The following GDI2 variants were observed in gnomAD, a reference collection of about 807,000 sequenced individuals.
GDI2 encodes the protein GDP dissociation inhibitor 2, also known as rab GDP dissociation inhibitor beta.
Under a neutral mutation model 54.2 loss-of-function variants are expected in GDI2, and 22 were observed. The ratio of observed to expected loss-of-function variants is 0.41; its 90% CI spans 0.29 to 0.58. The LOEUF (loss-of-function observed/expected upper bound fraction) is 0.58. GDI2 is among the 20% of genes least tolerant of loss of function. GDI2 has a pLI of 0.35. For synonymous variants in GDI2, 177 were observed against 182.1 expected (o/e 0.97, Z 0.23); for missense variants, 422 against 546.0 (o/e 0.77, Z 2.26).
intron 6 of GDI2, among the ~76,000 whole-genome samples, chr10:5,775,179 C>T (rs1840590922): frequency 6.6e-6 from 1 of 152,106 alleles, no homozygotes; most frequent in Non-Finnish European, 1.5e-5. Context: ...TCCCAGCTAC[C>T]CGGAATGCTG....
Position 5,766,215 on chromosome 10 carries a change from A to G in GDI2, c.1191+26T>C. 2 of 1,611,372 alleles carry G rather than the reference A, an allele frequency of 1.2e-6. No homozygotes were observed. Among genetic ancestry groups the G allele is most frequent in the Non-Finnish European group, 1.7e-6 (2 of 1,177,422 alleles). The stretch of plus-strand genomic sequence containing the variant: ...GGATGTCTTCCAGTGAAACCTGCCC[A>G]TATCCTTTCACACTTCCATACTCAC... On this transcript the variant is annotated intron_variant, in intron 10 of 10. Coordinates refer to ENST00000380191, the MANE Select transcript of GDI2 (RefSeq NM_001494.4). This position sits in a 1 kb window ranked among gnomAD's most constrained non-coding sequence, Gnocchi z 5.8.
chr10:5,811,960 T>TAAAAAAAAAAAAA (rs146282355), intron 1 of GDI2: 1 of 631,866 alleles, frequency 1.6e-6, no homozygotes, highest in Non-Finnish European at 2.2e-6. Context: ...ATGTTACCTG[T>TAAAAAAAAAAAAA]AAAAAAAAAA....
rs551891407 is a variant in GDI2, at chr10:5,765,943, C to T, written c.*63G>A. On this transcript the variant is annotated 3_prime_UTR_variant, in exon 11 of 11. Transcript: ENST00000380191. ...AAAGCAGGCCTTACAATATTGATTT[C>T]ATTATATGCATTATTTGCCAAATTT... 4.1e-6 allele frequency: 5 copies of T among 1,205,300 alleles called. No homozygotes were observed. Among genetic ancestry groups the T allele is most frequent in the South Asian group, 1.5e-5 (1 of 67,126 alleles). The allele number at this position is 1,205,300 out of a possible 1,614,324, so 74.7% of individuals were successfully genotyped here. A position where few individuals can be genotyped will look rare whatever the true frequency, so the allele number is the denominator to read the frequency against.
At chr10:5,772,964 G>A (rs1840528767) in intron 7 of GDI2, among the ~76,000 whole-genome samples, 1 of 152,168 alleles carries the variant, frequency 6.6e-6, no homozygotes, top group South Asian at 2.1e-4. Context: ...GTATAACCTG[G>A]ACATAATACC....
At chr10:5,785,368 CTTCTTTTTTGT>C in intron 5 of GDI2, 95 bp from the exon 6 acceptor site, 1 of 583,466 alleles carries the variant, frequency 1.7e-6, no homozygotes, top group Non-Finnish European at 2.7e-6. Flanking sequence ...AATCCGCTAT[CTTCTTTTTTGT>C]TTTTTTGTTT....
rs1427954553 is a variant in GDI2, at chr10:5,773,917, G to A, written c.744C>T (p.Thr248=). Residue 248 remains threonine, a synonymous_variant, in exon 7 of 11, where the codon ACC becomes ACT. Transcript: ENST00000380191. ...CTTCAATGGGTTTATTCAGCATATA[G>A]GTACCTCCATAAATAGCACTTAGCC... ...FARLSAIYGG[T]YMLNKPIEEI... 5 of 1,533,776 alleles carry A rather than the reference G, an allele frequency of 3.3e-6. No individual in the cohort carries two copies. The highest frequency in any genetic ancestry group is 3.6e-6 in the Non-Finnish European group (4 of 1,113,816).
At chr10:5,813,055 C>T (rs1019227423) in intron 1 of GDI2, among the ~76,000 whole-genome samples, 159 bp downstream of exon 1, 1 of 152,146 alleles carries the variant, frequency 6.6e-6, no homozygotes, top group African/African-American at 2.4e-5. Flanking sequence ...GCGGGGCGCC[C>T]CTGAACCCGC....
rs750483297 is a variant in GDI2, at chr10:5,768,445, T to C, written c.820-61A>G. On this transcript the variant is annotated intron_variant, in intron 7 of 10. Coordinates refer to ENST00000380191, the MANE Select transcript of GDI2 (RefSeq NM_001494.4). The surrounding 1 kb of genome is among the most constrained non-coding windows in gnomAD (Gnocchi z 4.4). ...CAAGGATATAGGGAAACACATCCCA[T>C]GTTCATAGTTTGGAAGACTTAGTAT... 12 of 1,071,012 alleles carry C rather than the reference T, an allele frequency of 1.1e-5. No homozygotes were observed. The Admixed American group carries it at 2.4e-4, about 21-fold the overall frequency. The allele number at this position is 1,071,012 out of a possible 1,614,324, so 66.3% of individuals were successfully genotyped here. A position where few individuals can be genotyped will look rare whatever the true frequency, so the allele number is the denominator to read the frequency against.
intron 6 of GDI2, among the ~76,000 whole-genome samples, chr10:5,778,365 C>T (rs968514578): frequency 6.6e-6 from 1 of 152,056 alleles, no homozygotes; most frequent in Non-Finnish European, 1.5e-5. Flanking sequence ...TATGGTGGCC[C>T]GAGGGGCTGC....
At chr10:5,779,839 T>A (rs1384922762) in intron 6 of GDI2, among the ~76,000 whole-genome samples, 1 of 151,904 alleles carries the variant, frequency 6.6e-6, no homozygotes, top group African/African-American at 2.4e-5. Context: ...ACTACAGGCA[T>A]GCATCACCAC....
intron 1 of GDI2, among the ~76,000 whole-genome samples, chr10:5,805,101 T>C (rs1282698456): frequency 1.3e-5 from 2 of 151,898 alleles, no homozygotes; most frequent in African/African-American, 4.8e-5. Flanking sequence ...CAAAGTGCTG[T>C]GATTACAGGG....
Position 5,813,283 on chromosome 10 carries a change from C to G in GDI2, c.-25G>C. 1 of 1,564,478 alleles carries G rather than the reference C, an allele frequency of 6.4e-7. No individual in the cohort carries two copies. The highest frequency in any genetic ancestry group is 2.4e-5 in the East Asian group (1 of 42,296). ...TGGCGGGGCAGGCGCGGACGCAGGA[C>G]CCGAGCAAGGAAAAGGCGCAGGGGC... On this transcript the variant is annotated 5_prime_UTR_variant, in exon 1 of 11. Transcript: ENST00000380191.
At chr10:5,794,099 G>C (rs1463785186) in intron 4 of GDI2, among the ~76,000 whole-genome samples, 1 of 149,222 alleles carries the variant, frequency 6.7e-6, no homozygotes, top group Non-Finnish European at 1.5e-5. Context: ...GGGAGGTAGA[G>C]GTTGCAGTGA....
intron 5 of GDI2, among the ~76,000 whole-genome samples, 200 bp from the exon 6 acceptor site, chr10:5,785,473 C>G (rs2052435120): frequency 6.6e-6 from 1 of 152,134 alleles, no homozygotes; most frequent in South Asian, 2.1e-4. Context: ...CTCCCAGGCT[C>G]AAGTGATTCT....
At chr10:5,804,951 G>C (rs1041137064) in intron 1 of GDI2, among the ~76,000 whole-genome samples, 1 of 151,360 alleles carries the variant, frequency 6.6e-6, no homozygotes. Flanking sequence ...CTCCTGCCTC[G>C]GCCTCCCAAG....
At chr10:5,780,980 T>TTCAA (rs1840741503) in intron 6 of GDI2, among the ~76,000 whole-genome samples, 1 of 152,128 alleles carries the variant, frequency 6.6e-6, no homozygotes, top group Admixed American at 6.6e-5. Flanking sequence ...TATCACCTAC[T>TTCAA]TCAAGACTTA....
At chr10:5,783,833 T>C (rs1367413520) in intron 6 of GDI2, among the ~76,000 whole-genome samples, 1 of 152,234 alleles carries the variant, frequency 6.6e-6, no homozygotes, top group Admixed American at 6.5e-5. Flanking sequence ...TTTTCCTTTA[T>C]AGGTTACCTG....
rs1478761471 is a variant in GDI2 at position 5,813,325 on chromosome 10, G to A, written c.-67C>T. On this transcript the variant is annotated 5_prime_UTR_variant, in exon 1 of 11. Transcript: ENST00000380191. ...CGCAGGGGCTCCGTGACCACCCTAC[G>A]AGGCTGGGAGGCGCTCTTGGGCGCG... is the stretch of plus-strand genomic sequence containing the variant. 1 of 1,144,904 alleles carries A rather than the reference G, an allele frequency of 8.7e-7. No homozygotes were observed. The highest frequency in any genetic ancestry group is 1.3e-5 in the South Asian group (1 of 74,906). 70.9% of individuals were successfully genotyped at this position (1,144,904 alleles called of 1,614,324 possible).
At position 5,766,018 on chromosome 10, in the gene GDI2, A is replaced by G. The variant is rs1840318182; in HGVS notation, c.1326T>C (p.Tyr442=). Residue 442 remains tyrosine, a synonymous_variant, in exon 11 of 11, where the codon TAT becomes TAC. Coordinates refer to ENST00000380191, the MANE Select transcript of GDI2 (RefSeq NM_001494.4). This position sits in a 1 kb window ranked among gnomAD's most constrained non-coding sequence, Gnocchi z 5.8. ...EEMKRKKNDI[Y]GED ...ACATGTACTGCTGTTAGTCTTCCCC[A>G]TAGATGTCATTCTTCTTGCGCTTCA... 2 of 1,583,524 alleles carry G rather than the reference A, an allele frequency of 1.3e-6. No homozygotes were observed. Among genetic ancestry groups the G allele is most frequent in the Non-Finnish European group, 1.7e-6 (2 of 1,171,430 alleles).
Sources: allele counts gnomAD v4.1 joint callset (sites outside exome capture counted in the v4.1 genomes callset), GRCh38; gene constraint gnomAD v4.1.1; non-coding constraint Gnocchi (gnomAD v3.1); transcripts MANE v1.5; gene names NCBI Gene and HGNC (gene_info 2026-07-23, HGNC 2026-07-21).